Variants in PYGO1 observed in about 807,000 individuals in gnomAD.
PYGO1 encodes the protein pygopus homolog 1.
Under a neutral mutation model 29.5 loss-of-function variants are expected in PYGO1, and 6 were observed. That is an observed-to-expected ratio of 0.20 (90% CI 0.11 to 0.40). The LOEUF is 0.40. PYGO1 is among the 10% of genes least tolerant of loss of function. The probability of loss-of-function intolerance (pLI) is 1.00; values close to 1 mark genes in which losing one functional copy is unlikely to be tolerated. For missense variants in PYGO1, 515 were observed against 514.9 expected, an observed-to-expected ratio of 1.00 and a Z score of 0.00; for synonymous variants, 186 against 180.5, an observed-to-expected ratio of 1.03 and a Z score of -0.24.
intron 1 of PYGO1, among the ~76,000 whole-genome samples, chr15:55,575,491 C>G (rs2058997626): frequency 7.3e-6 from 1 of 137,428 alleles, no homozygotes; most frequent in Non-Finnish European, 1.6e-5. Flanking sequence ...GCAATGCATA[C>G]AAATACAAAG....
At chr15:55,548,192 A>G (rs946194177) in intron 2 of PYGO1, among the ~76,000 whole-genome samples, 5 of 151,700 alleles carry the variant, frequency 3.3e-5, no homozygotes, top group African/African-American at 9.7e-5. Context: ...GCTAATTTTT[A>G]TATTTTTAGT....
rs2058846655 is a variant in PYGO1, at chr15:55,545,758, T to G, written c.*265A>C. The G allele has an allele frequency of 3.3e-6, 1 of 300,720 alleles. No homozygotes were observed. Among genetic ancestry groups the G allele is most frequent in the Non-Finnish European group, 6.1e-6 (1 of 164,982 alleles). The allele number at this position is 300,720 out of a possible 1,614,324, so 18.6% of individuals were successfully genotyped here. A position where few individuals can be genotyped will look rare whatever the true frequency, so the allele number is the denominator to read the frequency against. ...CATTTGTTATATATTATTTTGAAGT[T>G]TCAAGAGGCTTTTATGTTTGTGATA... On this transcript the variant is annotated 3_prime_UTR_variant, in exon 3 of 3. Transcript: ENST00000563719.
intron 1 of PYGO1, among the ~76,000 whole-genome samples, chr15:55,554,090 C>G (rs543351296): frequency 3.9e-5 from 6 of 152,214 alleles, no homozygotes; most frequent in African/African-American, 1.4e-4. Flanking sequence ...AGAATCAACA[C>G]AAAAACGCTT....
Position 55,557,654 on chromosome 15 carries a change from T to C in PYGO1, c.50-8659A>G, listed in dbSNP as rs570755833. Among the ~76,000 whole-genome samples the C allele has an allele frequency of 2.3e-4, 35 of 152,302 alleles. 1 individual carries two copies. Among genetic ancestry groups the C allele is most frequent in the Admixed American group, 7.2e-4 (11 of 15,292 alleles). ...AAAAAGCTTATCCACCATGATCAAG[T>C]GGGCTTCATCCTTGGGATGCAAAGC... On this transcript the variant is annotated intron_variant, in intron 1 of 2. Transcript: ENST00000563719.
intron 1 of PYGO1, among the ~76,000 whole-genome samples, chr15:55,575,464 A>G (rs950436773): frequency 3.3e-5 from 5 of 151,898 alleles, no homozygotes; most frequent in African/African-American, 1.2e-4. Context: ...AGACATGCTC[A>G]TTATAAAGAA....
At chr15:55,588,938 CGACTT>C, upstream of PYGO1, 3 of 1,253,108 alleles carry the variant, frequency 2.4e-6, no homozygotes, top group Non-Finnish European at 3.5e-6. Flanking sequence ...GGTATTTTAA[CGACTT>C]GACTCTTCAA....
intron 1 of PYGO1, among the ~76,000 whole-genome samples, chr15:55,550,002 A>C (rs1334680471): frequency 1.3e-5 from 2 of 152,210 alleles, no homozygotes; most frequent in Non-Finnish European, 2.9e-5. Flanking sequence ...GTATTTCTAA[A>C]AACTAGGAAC....
At chr15:55,562,226 T>C (rs1427581242) in intron 1 of PYGO1, among the ~76,000 whole-genome samples, 3 of 152,176 alleles carry the variant, frequency 2.0e-5, no homozygotes, top group Non-Finnish European at 4.4e-5. Context: ...AGGAACACTT[T>C]TACACTGTTG....
intron 1 of PYGO1, among the ~76,000 whole-genome samples, chr15:55,582,962 C>G (rs1210265406): frequency 6.6e-6 from 1 of 152,008 alleles, no homozygotes; most frequent in Admixed American, 6.6e-5. Flanking sequence ...TTTTTAGTAA[C>G]TTTTATGACA....
intron 1 of PYGO1, among the ~76,000 whole-genome samples, chr15:55,553,647 G>A (rs1051982827): frequency 6.6e-5 from 10 of 152,136 alleles, no homozygotes; most frequent in Non-Finnish European, 1.0e-4. Flanking sequence ...CTGACCTCAA[G>A]TGATCTACCC....
intron 1 of PYGO1, among the ~76,000 whole-genome samples, chr15:55,576,481 A>AAG (rs2059002616): frequency 1.6e-5 from 2 of 125,956 alleles, no homozygotes; most frequent in South Asian, 5.2e-4. Context: ...AAAAAAAAAA[A>AAG]AGAGAGAGGC....
chr15:55,559,209 G>C (rs2141657343), intron 1 of PYGO1, among the ~76,000 whole-genome samples: 1 of 152,298 alleles, frequency 6.6e-6, no homozygotes, highest in South Asian at 2.1e-4. Flanking sequence ...ACACTATGCA[G>C]CCAACAGATA....
rs939890117 is a variant in PYGO1, at chr15:55,543,074, GGGGTGTGTGTGT to G, written c.*2937_*2948del. On this transcript the variant is annotated 3_prime_UTR_variant, in exon 3 of 3. Transcript: ENST00000563719. ...CTCAAGGATGTTGGAGAAACTGTGGGGGGTGTGTGTGTGTGTGTGTGTGTGTAAGATGAGGAC... is the reference window on the plus strand; with the variant it reads ...CTCAAGGATGTTGGAGAAACTGTGGGGTGTGTGTGTGTGTAAGATGAGGAC... 2 of 62,392 alleles carry G rather than the reference GGGGTGTGTGTGT, an allele frequency of 3.2e-5. No individual in the cohort carries two copies. The highest frequency in any genetic ancestry group is 7.9e-5 in the Non-Finnish European group (2 of 25,268). 3.9% of individuals were successfully genotyped at this position (62,392 alleles called of 1,614,324 possible).
chr15:55,555,359 G>A (rs563342327), intron 1 of PYGO1, among the ~76,000 whole-genome samples: 1 of 151,916 alleles, frequency 6.6e-6, no homozygotes, highest in African/African-American at 2.4e-5. Flanking sequence ...CCTGAAGGAA[G>A]CACTAAATAT....
upstream of PYGO1, chr15:55,588,961 C>A (rs73417319): frequency 7.5e-3 from 7,007 of 934,758 alleles, 374 homozygotes; most frequent in African/African-American, 0.11. Context: ...CAAGAAAGAG[C>A]GACGTAGAAT....
At chr15:55,583,525 CT>C in intron 1 of PYGO1, among the ~76,000 whole-genome samples, 1 of 151,526 alleles carries the variant, frequency 6.6e-6, no homozygotes, top group Non-Finnish European at 1.5e-5. Context: ...TTTTTGTTTT[CT>C]TTTGTTTTGA....
At chr15:55,560,173 G>A (rs1401373301) in intron 1 of PYGO1, among the ~76,000 whole-genome samples, 1 of 152,018 alleles carries the variant, frequency 6.6e-6, no homozygotes, top group Non-Finnish European at 1.5e-5. Flanking sequence ...AGTACTCAAA[G>A]TTCTGGTCAG....
chr15:55,577,289 G>A (rs944149739), intron 1 of PYGO1, among the ~76,000 whole-genome samples: 18 of 152,054 alleles, frequency 1.2e-4, no homozygotes, highest in Admixed American at 3.9e-4. Flanking sequence ...TGACCTGGAC[G>A]CCTGCCTACC....
chr15:55,544,117 C>T lies in PYGO1; in HGVS notation c.*1906G>A, dbSNP rs2058839367. Reference sequence around the variant, plus strand: ...ACAACTACTGAAAATATTTTGTACTCACCTCTAACTAGTCAAGGGTAAATG... The same window carrying T: ...ACAACTACTGAAAATATTTTGTACTTACCTCTAACTAGTCAAGGGTAAATG... On this transcript the variant is annotated 3_prime_UTR_variant, in exon 3 of 3. Coordinates refer to ENST00000563719, the MANE Select transcript of PYGO1 (RefSeq NM_001367806.1). 6.6e-6 allele frequency: 1 copy of T among 152,114 alleles called. No individual in the cohort carries two copies. Among genetic ancestry groups the T allele is most frequent in the Non-Finnish European group, 1.5e-5 (1 of 67,998 alleles). The allele number at this position is 152,114 out of a possible 1,614,324, so 9.4% of individuals were successfully genotyped here.
Sources: allele counts gnomAD v4.1 joint callset (sites outside exome capture counted in the v4.1 genomes callset), GRCh38; gene constraint gnomAD v4.1.1; transcripts MANE v1.5; gene names NCBI Gene and HGNC (gene_info 2026-07-23, HGNC 2026-07-21).